The following FAM107B variants were observed in gnomAD, a reference collection of about 807,000 sequenced individuals.
FAM107B encodes the protein family with sequence similarity 107 member B.
Under a neutral mutation model 31.5 loss-of-function variants are expected in FAM107B, and 21 were observed. The observed-to-expected ratio is 0.67, with a 90% CI of 0.47 to 0.96. The LOEUF is 0.96. Among genes scored for constraint, FAM107B ranks in the 40% least tolerant of loss-of-function variants. FAM107B has a pLI of 0.00. For synonymous variants in FAM107B, 157 were observed against 141.5 expected, an observed-to-expected ratio of 1.11 and a Z score of -0.78; for missense variants, 452 against 377.1, an observed-to-expected ratio of 1.20 and a Z score of -1.64.
intron 1 of FAM107B, among the ~76,000 whole-genome samples, chr10:14,716,924 T>C (rs1588726382): frequency 6.6e-6 from 1 of 152,006 alleles, no homozygotes; most frequent in East Asian, 1.9e-4. Context: ...ACCCCGTCTC[T>C]ACTAAAAATA....
intron 2 of FAM107B, among the ~76,000 whole-genome samples, chr10:14,569,627 T>C (rs1057424257): frequency 2.6e-5 from 4 of 152,146 alleles, no homozygotes; most frequent in African/African-American, 7.2e-5. Flanking sequence ...AAGATGGAAA[T>C]AGGCCAGGAC....
chr10:14,732,199 AC>A (rs957494070), intron 1 of FAM107B, among the ~76,000 whole-genome samples: 7 of 152,182 alleles, frequency 4.6e-5, no homozygotes, highest in African/African-American at 1.4e-4. Flanking sequence ...TTTTCTTACA[AC>A]GGCTATCTCT....
At chr10:14,747,242 T>C (rs1211116223) in intron 1 of FAM107B, among the ~76,000 whole-genome samples, 1 of 152,176 alleles carries the variant, frequency 6.6e-6, no homozygotes, top group Non-Finnish European at 1.5e-5. Flanking sequence ...TAGAACATGC[T>C]CCTTTAGCTC....
intron 2 of FAM107B, among the ~76,000 whole-genome samples, chr10:14,634,631 G>A (rs1227600995): frequency 6.6e-6 from 1 of 152,232 alleles, no homozygotes; most frequent in East Asian, 1.9e-4. Context: ...CCAACTACTT[G>A]AGTGACCAAA....
intron 2 of FAM107B, among the ~76,000 whole-genome samples, chr10:14,628,180 G>C (rs572321041): frequency 7.0e-6 from 1 of 143,238 alleles, no homozygotes; most frequent in Non-Finnish European, 1.5e-5. Flanking sequence ...GCAGTGGCGC[G>C]ATCTCAGGTC....
intron 2 of FAM107B, among the ~76,000 whole-genome samples, chr10:14,559,111 A>AC (rs1564565732): frequency 2.3e-4 from 8 of 34,710 alleles, no homozygotes; most frequent in Non-Finnish European, 2.7e-4. Flanking sequence ...AAAAAAAAAA[A>AC]AAAAAACAAA....
intron 2 of FAM107B, among the ~76,000 whole-genome samples, chr10:14,627,059 C>T (rs1853184699): frequency 6.6e-6 from 1 of 152,104 alleles, no homozygotes; most frequent in South Asian, 2.1e-4. Context: ...TGACCATAAC[C>T]TGAAGGTGAG....
At chr10:14,544,789 T>C (rs1848546385) in intron 2 of FAM107B, among the ~76,000 whole-genome samples, 1 of 152,136 alleles carries the variant, frequency 6.6e-6, no homozygotes, top group Non-Finnish European at 1.5e-5. Context: ...ACAGTGCAGC[T>C]TAAAATCATC....
chr10:14,546,975 C>T (rs935813718), intron 2 of FAM107B, among the ~76,000 whole-genome samples: 1 of 152,202 alleles, frequency 6.6e-6, no homozygotes, highest in Non-Finnish European at 1.5e-5. Flanking sequence ...CTTTAATCTC[C>T]TACCTCCTAG....
rs561173265 is a variant in FAM107B, at chr10:14,591,312, T to C, written c.470-60797A>G. 9.4e-4 allele frequency among the ~76,000 whole-genome samples: 143 copies of C among 152,340 alleles called. 1 individual carries two copies. The highest frequency in any genetic ancestry group is 1.3e-3 in the Admixed American group (20 of 15,298). On this transcript the variant is annotated intron_variant, in intron 2 of 4. Transcript: ENST00000181796. ...AGCACATATGCACAGAATTTAATAT[T>C]GCTGCAACTCAAGACTTAAATAACA... is the stretch of plus-strand genomic sequence containing the variant.
At chr10:14,633,346 A>G (rs1183955002) in intron 2 of FAM107B, among the ~76,000 whole-genome samples, 1 of 152,236 alleles carries the variant, frequency 6.6e-6, no homozygotes, top group Non-Finnish European at 1.5e-5. Context: ...GAAGCAATAC[A>G]TATACACATA....
chr10:14,723,145 T>C (rs951485990), intron 1 of FAM107B: 8 of 468,118 alleles, frequency 1.7e-5, no homozygotes, highest in African/African-American at 1.6e-4. Context: ...TCCACGTTGC[T>C]TAAGAGCCAG....
chr10:14,556,727 A>G (rs1021059588), intron 2 of FAM107B, among the ~76,000 whole-genome samples: 1 of 152,254 alleles, frequency 6.6e-6, no homozygotes, highest in Non-Finnish European at 1.5e-5. Flanking sequence ...GGCTAAAACA[A>G]ATATAGCACC....
intron 4 of FAM107B, 118 bp downstream of exon 4, chr10:14,521,751 T>G (rs1314875112): frequency 7.1e-7 from 1 of 1,408,030 alleles, no homozygotes; most frequent in Non-Finnish European, 9.6e-7. Context: ...GTCTCCAATA[T>G]TTCTTTCATG....
chr10:14,745,171 T>C (rs1230961260), intron 1 of FAM107B, among the ~76,000 whole-genome samples: 21 of 152,096 alleles, frequency 1.4e-4, no homozygotes, highest in Admixed American at 1.3e-3. Context: ...TCATTTTTTA[T>C]TGTCTATTTG....
At chr10:14,646,618 G>A (rs1336410685) in intron 2 of FAM107B, among the ~76,000 whole-genome samples, 1 of 152,070 alleles carries the variant, frequency 6.6e-6, no homozygotes, top group Non-Finnish European at 1.5e-5. Flanking sequence ...ATTGTGAATT[G>A]TGCTGCAATA....
intron 1 of FAM107B, among the ~76,000 whole-genome samples, chr10:14,726,576 C>T (rs373905417): frequency 1.3e-5 from 2 of 152,176 alleles, no homozygotes; most frequent in East Asian, 3.8e-4. Context: ...TGTCATGCTT[C>T]CCCCTGGAAG....
intron 1 of FAM107B, among the ~76,000 whole-genome samples, chr10:14,682,365 C>T (rs1854857298): frequency 6.6e-6 from 1 of 152,066 alleles, no homozygotes; most frequent in Admixed American, 6.5e-5. Context: ...CTCGCCTCTA[C>T]TAAAAACATA....
At chr10:14,667,036 G>C (rs1317407732) in intron 2 of FAM107B, among the ~76,000 whole-genome samples, 1 of 152,168 alleles carries the variant, frequency 6.6e-6, no homozygotes, top group African/African-American at 2.4e-5. Context: ...TAGAGGCTGA[G>C]AGTATTAAGA....
Sources: gnomAD v4.1 joint callset for allele counts (sites outside exome capture counted in the v4.1 genomes callset) on GRCh38, gnomAD v4.1.1 for gene constraint, MANE v1.5 for transcripts, NCBI Gene and HGNC (gene_info 2026-07-23, HGNC 2026-07-21) for gene names.